Variants in TUBB3 observed in about 807,000 individuals in gnomAD.
TUBB3 encodes the protein tubulin beta-3 chain.
In TUBB3, 17 loss-of-function variants were observed where a neutral mutation model predicts 37.8. The ratio of observed to expected loss-of-function variants is 0.45; its 90% CI spans 0.31 to 0.67. The LOEUF (loss-of-function observed/expected upper bound fraction) is 0.67. TUBB3 is among the 30% of genes least tolerant of loss of function. The pLI, the probability that TUBB3 is intolerant of heterozygous loss-of-function variation, is 0.07. For synonymous variants in TUBB3, 332 were observed against 278.9 expected, an observed-to-expected ratio of 1.19 and a Z score of -1.90; for missense variants, 262 against 657.9, an observed-to-expected ratio of 0.40 and a Z score of 6.58.
At position 89,934,232 on chromosome 16, in the gene TUBB3, G is replaced by A. The variant is rs547239147; in HGVS notation, c.278-497G>A. The A allele has an allele frequency of 1.7e-3, 724 of 432,004 alleles. 3 individuals are homozygous for A. Among genetic ancestry groups the A allele is most frequent in the African/African-American group, 0.014 (679 of 49,482 alleles). 26.8% of individuals were successfully genotyped at this position (432,004 alleles called of 1,614,324 possible). A position where few individuals can be genotyped will look rare whatever the true frequency, so the allele number is the denominator to read the frequency against. ...CATGCCTGTGTCCTGGGGCGGGGCCGTGGATGCCACGTTCCCATGTCTGTG... is the reference window on the plus strand; with the variant it reads ...CATGCCTGTGTCCTGGGGCGGGGCCATGGATGCCACGTTCCCATGTCTGTG... On this transcript the variant is annotated intron_variant, in intron 3 of 3. Coordinates refer to ENST00000315491, the MANE Select transcript of TUBB3 (RefSeq NM_006086.4).
intron 1 of TUBB3, among the ~76,000 whole-genome samples, chr16:89,927,756 C>T (rs545163001): frequency 2.6e-4 from 39 of 152,350 alleles, no homozygotes; most frequent in African/African-American, 7.7e-4. Context: ...GCGAGGCACG[C>T]GCCTGGCCCA....
chr16:89,931,438 G>C (rs143468618), intron 1 of TUBB3, among the ~76,000 whole-genome samples: 17 of 152,338 alleles, frequency 1.1e-4, no homozygotes, highest in East Asian at 3.9e-4. Flanking sequence ...GCCTCCCAGC[G>C]TGTGTCCCAG....
Position 89,935,633 on chromosome 16 carries a change from C to T in TUBB3, c.1182C>T (p.Phe394=). Residue 394 remains phenylalanine (F), a synonymous_variant, in exon 4 of 4, where the codon TTC becomes TTT. Coordinates refer to ENST00000315491, the MANE Select transcript of TUBB3 (RefSeq NM_006086.4). The part of the protein sequence containing the change: ...QFTAMFRRKA[F]LHWYTGEGMD... ...CGGCCATGTTCCGGCGCAAGGCCTT[C>T]CTGCACTGGTACACGGGCGAGGGCA... The T allele has an allele frequency of 1.2e-6, 2 of 1,613,814 alleles. No homozygotes were observed. The highest frequency in any genetic ancestry group is 1.7e-6 in the Non-Finnish European group (2 of 1,179,924).
At chr16:89,927,913 AT>A (rs2144406518) in intron 1 of TUBB3, among the ~76,000 whole-genome samples, 1 of 152,328 alleles carries the variant, frequency 6.6e-6, no homozygotes, top group East Asian at 1.9e-4. Flanking sequence ...CCCTGGAACC[AT>A]AAATTTGGGG....
At chr16:89,932,543 G>C in intron 1 of TUBB3, 28 bp from the exon 2 acceptor site, 1 of 1,594,152 alleles carries the variant, frequency 6.3e-7, no homozygotes, top group East Asian at 2.2e-5. Context: ...GGCCGGTGCC[G>C]ACCCCCCCTC....
chr16:89,933,745 A>G (rs557342416), intron 3 of TUBB3, 167 bp downstream of exon 3: 66 of 722,492 alleles, frequency 9.1e-5, no homozygotes, highest in Non-Finnish European at 1.5e-4. Flanking sequence ...AGGCCCAGAG[A>G]AAGGGTTCTG....
chr16:89,933,710 T>C, intron 3 of TUBB3, 132 bp downstream of exon 3: 1 of 801,970 alleles, frequency 1.2e-6, no homozygotes, highest in Non-Finnish European at 2.2e-6. Context: ...GGAACTCATC[T>C]CTCCATTTTA....
rs372044268 is a variant in TUBB3, at chr16:89,935,118, G to A, written c.667G>A (p.Gly223Arg). The change falls in exon 4 of 4, where the codon GGG becomes AGG. Residue 223 changes from glycine (G) to arginine (R), a missense_variant. By Grantham distance (125) the Gly-to-Arg change is moderately radical (BLOSUM62 -2). Around this residue, in one of 3 missense-constraint regions of TUBB3, gnomAD observed 165 missense variants for 556.8 expected, o/e 0.30. Transcript: ENST00000315491. ...RTLKLATPTY[G>R]DLNHLVSATM... ...CCTCAAGCTGGCCACGCCCACCTAC[G>A]GGGACCTCAACCACCTGGTATCGGC... is the stretch of plus-strand genomic sequence containing the variant. The A allele has an allele frequency of 6.2e-6, 10 of 1,614,102 alleles. No individual in the cohort carries two copies. Among genetic ancestry groups the A allele is most frequent in the African/African-American group, 1.3e-5 (1 of 75,054 alleles).
chr16:89,926,880 G>A (rs1333460999), intron 1 of TUBB3, among the ~76,000 whole-genome samples: 1 of 151,864 alleles, frequency 6.6e-6, no homozygotes, highest in African/African-American at 2.4e-5. Flanking sequence ...ACCACACCTG[G>A]CTTATTTTGT....
chr16:89,933,931 C>T, intron 3 of TUBB3: 1 of 618,270 alleles, frequency 1.6e-6, no homozygotes, highest in East Asian at 2.8e-5. Flanking sequence ...ATGCCTGTGT[C>T]CTGGGGTTGG....
chr16:89,926,204 G>T (rs1040379856), intron 1 of TUBB3, among the ~76,000 whole-genome samples: 2 of 152,150 alleles, frequency 1.3e-5, no homozygotes, highest in Non-Finnish European at 2.9e-5. Context: ...CAGCGGCGGA[G>T]GGGGGAGCCT....
intron 3 of TUBB3, chr16:89,934,443 A>T (rs1396974448): frequency 5.0e-6 from 3 of 595,610 alleles, no homozygotes; most frequent in South Asian, 4.6e-5. Context: ...CTGGAGCAGG[A>T]GGGCTGATCC....
At position 89,933,439 on chromosome 16, in the gene TUBB3, C is replaced by T. The variant is rs749993369; in HGVS notation, c.167-29C>T. On this transcript the variant is annotated intron_variant, in intron 2 of 3. Coordinates refer to ENST00000315491, the MANE Select transcript of TUBB3 (RefSeq NM_006086.4). ...GGAGAGGCTCTGGCCCTCTGTGACCCGAATCACCGAGCCCCTCTCTCCCCT... is the reference window on the plus strand; with the variant it reads ...GGAGAGGCTCTGGCCCTCTGTGACCTGAATCACCGAGCCCCTCTCTCCCCT... 25 of 1,565,710 alleles carry T rather than the reference C, an allele frequency of 1.6e-5. No homozygotes were observed. In the Admixed American group the frequency reaches 2.5e-4, roughly 16 times the overall value.
intron 1 of TUBB3, among the ~76,000 whole-genome samples, chr16:89,930,928 A>C (rs538071582): frequency 1.3e-5 from 2 of 151,864 alleles, no homozygotes; most frequent in African/African-American, 2.4e-5. Context: ...CCTGGGTTCA[A>C]GTGATTCTCC....
At chr16:89,929,112 G>A (rs1036923493) in intron 1 of TUBB3, among the ~76,000 whole-genome samples, 13 of 151,902 alleles carry the variant, frequency 8.6e-5, no homozygotes, top group Admixed American at 7.9e-4. Context: ...ACAGGTGCGC[G>A]CTACCACGCC....
At chr16:89,928,783 CAA>C (rs2030177746) in intron 1 of TUBB3, among the ~76,000 whole-genome samples, 1 of 152,110 alleles carries the variant, frequency 6.6e-6, no homozygotes, top group Admixed American at 6.6e-5. Context: ...CTCGGCCTCC[CAA>C]AGTGCTAGGA....
chr16:89,929,399 C>T (rs1011831765), intron 1 of TUBB3, among the ~76,000 whole-genome samples: 4 of 152,068 alleles, frequency 2.6e-5, no homozygotes, highest in Non-Finnish European at 4.4e-5. Flanking sequence ...TCAGGGTGAA[C>T]GGGCACCTCT....
intron 1 of TUBB3, among the ~76,000 whole-genome samples, chr16:89,926,204 G>C (rs1040379856): frequency 2.0e-5 from 3 of 152,150 alleles, no homozygotes; most frequent in Admixed American, 6.5e-5. Flanking sequence ...CAGCGGCGGA[G>C]GGGGGAGCCT....
chr16:89,924,328 A>C lies in TUBB3; in HGVS notation c.57+870A>C, dbSNP rs545562000. Among the ~76,000 whole-genome samples, 3 of 152,204 alleles carry C rather than the reference A, an allele frequency of 2.0e-5. No individual in the cohort carries two copies. The East Asian group carries it at 5.8e-4, about 29-fold the overall frequency. On this transcript the variant is annotated intron_variant, in intron 1 of 3. Coordinates refer to ENST00000315491, the MANE Select transcript of TUBB3 (RefSeq NM_006086.4). ...GAGGCTGTCCCTGGCCCAAGGTCAC[A>C]CAGCAGGTGCGAGAGAGCTGGGCTG...
Sources: allele counts gnomAD v4.1 joint callset (sites outside exome capture counted in the v4.1 genomes callset), GRCh38; gene constraint gnomAD v4.1.1; regional missense constraint gnomAD v4.1.1; transcripts MANE v1.5; gene names NCBI Gene and HGNC (gene_info 2026-07-23, HGNC 2026-07-21).